The following FAM135B variants were observed in gnomAD, a reference collection of about 807,000 sequenced individuals.
FAM135B encodes family with sequence similarity 135 member B.
A neutral mutation model predicts 127.7 loss-of-function variants in FAM135B; 43 were observed. That is an observed-to-expected ratio of 0.34 (90% confidence interval 0.26 to 0.43). The LOEUF (loss-of-function observed/expected upper bound fraction) is 0.43. FAM135B is among the 20% of genes least tolerant of loss of function. FAM135B has a pLI of 1.00. For missense variants in FAM135B, 1,558 were observed against 1,725.6 expected (o/e 0.90, Z 1.72); for synonymous variants, 670 against 665.1 (o/e 1.01, Z -0.11).
chr8:138,352,749 G>T (rs1451830718), intron 2 of FAM135B, among the ~76,000 whole-genome samples: 2 of 151,612 alleles, frequency 1.3e-5, no homozygotes, highest in Non-Finnish European at 2.9e-5. Flanking sequence ...AAGTACATTG[G>T]TTCCATTCCA....
intron 9 of FAM135B, among the ~76,000 whole-genome samples, chr8:138,191,596 C>T (rs553631718): frequency 6.6e-6 from 1 of 152,242 alleles, no homozygotes; most frequent in South Asian, 2.1e-4. Context: ...CCACTGAGTC[C>T]CCATGGTTGA....
intron 2 of FAM135B, among the ~76,000 whole-genome samples, chr8:138,358,856 C>T (rs1830243891): frequency 1.3e-5 from 2 of 152,030 alleles, no homozygotes; most frequent in African/African-American, 4.8e-5. Flanking sequence ...GTATCTGGGC[C>T]CTGTGGGTGG....
At chr8:138,246,861 A>C (rs1038215917) in intron 6 of FAM135B, among the ~76,000 whole-genome samples, 6 of 152,224 alleles carry the variant, frequency 3.9e-5, no homozygotes, top group African/African-American at 1.4e-4. Flanking sequence ...GTCAAGGGGC[A>C]CAGCTACCCA....
intron 1 of FAM135B, among the ~76,000 whole-genome samples, chr8:138,489,077 T>C (rs1815104060): frequency 6.6e-6 from 1 of 152,238 alleles, no homozygotes; most frequent in South Asian, 2.1e-4. Context: ...TCCCAGGTTC[T>C]CAGTTATCAT....
intron 3 of FAM135B, among the ~76,000 whole-genome samples, chr8:138,270,450 T>G (rs1280855245): frequency 2.0e-5 from 3 of 152,178 alleles, no homozygotes; most frequent in Non-Finnish European, 4.4e-5. Context: ...GGCTACATTG[T>G]GAGCTGGAAA....
At chr8:138,445,332 C>A (rs528736408) in intron 1 of FAM135B, among the ~76,000 whole-genome samples, 1 of 152,172 alleles carries the variant, frequency 6.6e-6, no homozygotes, top group Non-Finnish European at 1.5e-5. Flanking sequence ...ATACCAAAGC[C>A]TGGCAGAGAC....
intron 1 of FAM135B, among the ~76,000 whole-genome samples, chr8:138,404,322 T>G (rs1833328944): frequency 6.6e-6 from 1 of 152,180 alleles, no homozygotes; most frequent in Admixed American, 6.6e-5. Flanking sequence ...TGCTAAAAAA[T>G]TATAATAATC....
At chr8:138,231,449 T>C (rs1351349347) in intron 7 of FAM135B, among the ~76,000 whole-genome samples, 2 of 152,138 alleles carry the variant, frequency 1.3e-5, no homozygotes, top group Non-Finnish European at 2.9e-5. Flanking sequence ...ATCATATCAG[T>C]GCAAAATAAA....
At chr8:138,478,706 G>T (rs1814632500) in intron 1 of FAM135B, among the ~76,000 whole-genome samples, 1 of 152,188 alleles carries the variant, frequency 6.6e-6, no homozygotes, top group African/African-American at 2.4e-5. Context: ...CAACCCTAGG[G>T]ATATAATGCT....
In FAM135B at chr8:138,265,786, A is replaced by G; in HGVS notation, c.214T>C (p.Phe72Leu). 3 of 1,614,130 alleles carry G rather than the reference A, an allele frequency of 1.9e-6. No individual in the cohort carries two copies. Among genetic ancestry groups the G allele is most frequent in the Non-Finnish European group, 2.5e-6 (3 of 1,180,018 alleles). Reference protein sequence around the residue: ...VHDSTVHSRVFQILYRNEEVP... With the variant: ...VHDSTVHSRVLQILYRNEEVP... ...TCTTCATTCCGGTATAAGATCTGAA[A>G]GACCCGGCTGTGCACGGTGCTGTCA... The change falls in exon 4 of 20, where the codon TTT becomes CTT. Residue 72 changes from phenylalanine (F) to leucine (L), a missense_variant. Physicochemically the swap from Phe to Leu is conservative, Grantham distance 22. Transcript: ENST00000395297.
At chr8:138,183,856 C>T (rs547663221) in intron 9 of FAM135B, among the ~76,000 whole-genome samples, 5 of 152,192 alleles carry the variant, frequency 3.3e-5, no homozygotes, top group African/African-American at 4.8e-5. Flanking sequence ...TTTGGAGACA[C>T]GTTTTGCAGT....
intron 3 of FAM135B, among the ~76,000 whole-genome samples, chr8:138,269,928 AC>A (rs2130666720): frequency 6.6e-6 from 1 of 152,370 alleles, no homozygotes; most frequent in South Asian, 2.1e-4. Flanking sequence ...AACGGGAAGG[AC>A]AGAAAGTCAC....
intron 1 of FAM135B, among the ~76,000 whole-genome samples, chr8:138,392,395 G>T (rs1184122882): frequency 1.3e-5 from 2 of 152,148 alleles, no homozygotes; most frequent in Non-Finnish European, 2.9e-5. Flanking sequence ...AGTTGCAAGG[G>T]AAAAGTGAGG....
intron 3 of FAM135B, among the ~76,000 whole-genome samples, chr8:138,290,734 G>A (rs1343582184): frequency 6.6e-6 from 1 of 152,132 alleles, no homozygotes; most frequent in Non-Finnish European, 1.5e-5. Context: ...TGGTTGCAAG[G>A]GTATTGGGGT....
In FAM135B at chr8:138,418,324, T is replaced by C. The variant is rs537969915; in HGVS notation, c.-19-50322A>G. On this transcript the variant is annotated intron_variant, in intron 1 of 19. Transcript: ENST00000395297. ...GTAAAAAGACCAAACCTATGACTCATTGGCATCGCAGAAAGAGAGGGAGCA... is the reference window on the plus strand; with the variant it reads ...GTAAAAAGACCAAACCTATGACTCACTGGCATCGCAGAAAGAGAGGGAGCA... Among the ~76,000 whole-genome samples, 7 of 152,226 alleles carry C rather than the reference T, an allele frequency of 4.6e-5. No individual in the cohort carries two copies. The East Asian group carries it at 5.8e-4, about 13-fold the overall frequency.
At chr8:138,447,650 G>A (rs1375035216) in intron 1 of FAM135B, among the ~76,000 whole-genome samples, 4 of 139,678 alleles carry the variant, frequency 2.9e-5, no homozygotes, top group Non-Finnish European at 6.1e-5. Context: ...ACCGGGGCCT[G>A]TTGTGGGGTG....
intron 19 of FAM135B, among the ~76,000 whole-genome samples, chr8:138,135,066 A>G (rs1423466660): frequency 6.6e-6 from 1 of 152,210 alleles, no homozygotes; most frequent in Non-Finnish European, 1.5e-5. Flanking sequence ...ACTACTCAAC[A>G]TAATTCTGAA....
At chr8:138,354,586 C>T (rs1198925561) in intron 2 of FAM135B, among the ~76,000 whole-genome samples, 2 of 152,140 alleles carry the variant, frequency 1.3e-5, no homozygotes, top group Admixed American at 1.3e-4. Context: ...TGACTTCCAC[C>T]TGTCTCTCTT....
Position 138,314,726 on chromosome 8 carries a change from AGCTGG to A in FAM135B, c.78-3811_78-3807del, listed in dbSNP as rs1826948163. On this transcript the variant is annotated intron_variant, in intron 2 of 19. Transcript: ENST00000395297. ...AAATAAATAAATAAATAAATAAATT[AGCTGG>A]GTGTGGTGGCAGATGCCTGTAGTCT... Among the ~76,000 whole-genome samples, 3 of 151,342 alleles carry A rather than the reference AGCTGG, an allele frequency of 2.0e-5. No individual in the cohort carries two copies. In the South Asian group the frequency reaches 6.2e-4, roughly 31 times the overall value.
Sources: allele counts gnomAD v4.1 joint callset (sites outside exome capture counted in the v4.1 genomes callset), GRCh38; gene constraint gnomAD v4.1.1; transcripts MANE v1.5; gene names NCBI Gene and HGNC (gene_info 2026-07-23, HGNC 2026-07-21).